LRRTM1: variants seen among roughly 807,000 people sequenced by gnomAD.
The protein encoded by LRRTM1 is leucine rich repeat transmembrane neuronal 1, also known as leucine-rich repeat transmembrane neuronal protein 1.
Under a neutral mutation model 37.3 loss-of-function variants are expected in LRRTM1, and 8 were observed. That is an observed-to-expected ratio of 0.21 (90% CI 0.13 to 0.39). The LOEUF (loss-of-function observed/expected upper bound fraction) is 0.39, where lower values mean the gene tolerates loss of function less well. LRRTM1 is among the 10% of genes least tolerant of loss of function. LRRTM1 has a pLI of 1.00. For synonymous variants in LRRTM1, 326 were observed against 316.8 expected, an observed-to-expected ratio of 1.03 and a Z score of -0.31; for missense variants, 557 against 691.0, an observed-to-expected ratio of 0.81 and a Z score of 2.17.
chr2:80,299,145 G>C (rs1049280598), downstream of LRRTM1: 2 of 152,092 alleles, frequency 1.3e-5, no homozygotes, highest in African/African-American at 4.8e-5. Context: ...TTTTCAGATA[G>C]CACAGCATAA....
chr2:80,302,891 G>T lies in LRRTM1; in HGVS notation c.929C>A (p.Thr310Asn), dbSNP rs141798518. The change falls in exon 2 of 2, where the codon ACC (threonine) becomes AAC (asparagine). Residue 310 changes from threonine (T) to asparagine (N), a missense_variant. By Grantham distance (65) the Thr-to-Asn change is moderately conservative. This residue lies in a region of LRRTM1 where 200 missense variants were observed against 249.9 expected (regional missense o/e 0.80). Coordinates refer to ENST00000295057, the MANE Select transcript of LRRTM1 (RefSeq NM_178839.5). This position sits in a 1 kb window ranked among gnomAD's most constrained non-coding sequence, Gnocchi z 6.4. ...LNSWKSLTSI[T>N]LAGNLWDCGR... The stretch of plus-strand genomic sequence containing the variant: ...GCAATCCCACAGGTTCCCGGCCAGG[G>T]TGATGCTTGTCAGGGACTTCCAAGA... 6.9e-5 allele frequency: 112 copies of T among 1,614,060 alleles called. 1 individual carries two copies. In the Middle Eastern group the frequency reaches 8.2e-4, roughly 12 times the overall value.
chr2:80,302,273 G>C lies in LRRTM1; in HGVS notation c.1547C>G (p.Pro516Arg). The C allele has an allele frequency of 6.2e-7, 1 of 1,613,820 alleles. No individual in the cohort carries two copies. Among genetic ancestry groups the C allele is most frequent in the Non-Finnish European group, 8.5e-7 (1 of 1,179,848 alleles). Reference sequence around the variant, plus strand: ...CAATCACACCTCGCATTCCCTCGCGGGCTGCTGGTGGCAGGTACACGAGCC... The same window carrying C: ...CAATCACACCTCGCATTCCCTCGCGCGCTGCTGGTGGCAGGTACACGAGCC... ...EYGSCTCHQQ[P>R]ARECEV Residue 516 changes from proline (P) to arginine (R), a missense_variant, in exon 2 of 2, where the codon CCC (proline) becomes CGC (arginine). Pro to Arg is a moderately radical substitution (Grantham distance 103, BLOSUM62 -2). This residue lies in a region of LRRTM1 where 90 missense variants were observed against 149.4 expected (regional missense o/e 0.60). Transcript: ENST00000295057. This position sits in a 1 kb window ranked among gnomAD's most constrained non-coding sequence, Gnocchi z 6.4.
At position 80,303,154 on chromosome 2, in the gene LRRTM1, G is replaced by C. The variant is rs140201940; in HGVS notation, c.666C>G (p.Val222=). 1.8e-5 allele frequency: 29 copies of C among 1,614,012 alleles called. No individual in the cohort carries two copies. In the African/African-American group the frequency reaches 2.8e-4, roughly 16 times the overall value. Reference sequence around the variant, plus strand: ...GCGGGAAGTGGGCGAAGTTCACCTTGACCAAGTCGTTGTGCTCGAGGTGCA... The same window carrying C: ...GCGGGAAGTGGGCGAAGTTCACCTTCACCAAGTCGTTGTGCTCGAGGTGCA... ...TELHLEHNDL[V]KVNFAHFPRL... The change falls in exon 2 of 2, where the codon GTC becomes GTG. Residue 222 remains valine, a synonymous_variant. Coordinates refer to ENST00000295057, the MANE Select transcript of LRRTM1 (RefSeq NM_178839.5). This position sits in a 1 kb window ranked among gnomAD's most constrained non-coding sequence, Gnocchi z 7.7.
At chr2:80,298,375 T>A (rs1314067489), downstream of LRRTM1, 1 of 152,236 alleles carries the variant, frequency 6.6e-6, no homozygotes, top group Non-Finnish European at 1.5e-5. Flanking sequence ...AAAACAGATA[T>A]AATTTCTGGT....
exon 3 of LRRTM1, chr2:80,288,715 C>T (rs1674982232): frequency 6.6e-6 from 1 of 152,286 alleles, no homozygotes; most frequent in South Asian, 2.1e-4. Flanking sequence ...GGCAGGGCAC[C>T]AGCTTGGAGC....
chr2:80,298,627 A>G (rs1675970644), downstream of LRRTM1: 1 of 152,250 alleles, frequency 6.6e-6, no homozygotes. Context: ...GATTACTTAC[A>G]TATACTCATA....
Position 80,303,131 on chromosome 2 carries a change from G to T in LRRTM1, c.689C>A (p.Pro230Gln). The change falls in exon 2 of 2, where the codon CCG (proline) becomes CAG (glutamine). Residue 230 changes from proline (P) to glutamine (Q), a missense_variant. Pro to Gln is a moderately conservative substitution (Grantham distance 76). Coordinates refer to ENST00000295057, the MANE Select transcript of LRRTM1 (RefSeq NM_178839.5). The surrounding 1 kb of genome is among the most constrained non-coding windows in gnomAD (Gnocchi z 7.7). ...GAGCGAGTGCAGGGAGATGAGGCGC[G>T]GGAAGTGGGCGAAGTTCACCTTGAC... ...DLVKVNFAHFPRLISLHSLCL... is the reference protein window; with the variant it reads ...DLVKVNFAHFQRLISLHSLCL... The T allele has an allele frequency of 6.2e-7, 1 of 1,614,098 alleles. No individual in the cohort carries two copies. Among genetic ancestry groups the T allele is most frequent in the Non-Finnish European group, 8.5e-7 (1 of 1,180,044 alleles).
Position 80,303,959 on chromosome 2 carries a change from AAAG to A in LRRTM1, c.-59-84_-59-82del. ...AAAAATCAAATAAATACATAGAAATAAAGAAGGACCCCCCTCCCCAAAAACCAC... is the reference window on the plus strand; with the variant it reads ...AAAAATCAAATAAATACATAGAAATAAAGGACCCCCCTCCCCAAAAACCAC... On this transcript the variant is annotated intron_variant, in intron 1 of 1. Coordinates refer to ENST00000295057, the MANE Select transcript of LRRTM1 (RefSeq NM_178839.5). The surrounding 1 kb of genome is among the most constrained non-coding windows in gnomAD (Gnocchi z 7.7). The A allele has an allele frequency of 2.0e-6, 2 of 1,020,386 alleles. No homozygotes were observed. Among genetic ancestry groups the A allele is most frequent in the Non-Finnish European group, 2.7e-6 (2 of 740,876 alleles). The allele number at this position is 1,020,386 out of a possible 1,614,324, so 63.2% of individuals were successfully genotyped here. A position where few individuals can be genotyped will look rare whatever the true frequency, so the allele number is the denominator to read the frequency against.
In LRRTM1 at chr2:80,303,224, C is replaced by G. The variant is rs1370263901; in HGVS notation, c.596G>C (p.Ser199Thr). Residue 199 changes from serine (S) to threonine (T), a missense_variant, in exon 2 of 2, where the codon AGT becomes ACT. Ser to Thr is a moderately conservative substitution (Grantham distance 58). This residue lies in a region of LRRTM1 where 200 missense variants were observed against 249.9 expected (regional missense o/e 0.80). Transcript: ENST00000295057. This position sits in a 1 kb window ranked among gnomAD's most constrained non-coding sequence, Gnocchi z 7.7. ...FLDIGYNQLK[S>T]LARNSFAGLF... Reference sequence around the variant, plus strand: ...GCCGGCGAAAGAGTTGCGCGCCAGACTCTTGAGCTGATTGTATCCGATGTC... The same window carrying G: ...GCCGGCGAAAGAGTTGCGCGCCAGAGTCTTGAGCTGATTGTATCCGATGTC... The G allele has an allele frequency of 2.5e-6, 4 of 1,613,760 alleles. No individual in the cohort carries two copies. Among genetic ancestry groups the G allele is most frequent in the Non-Finnish European group, 3.4e-6 (4 of 1,179,970 alleles).
chr2:80,299,431 C>T (rs1238340418), downstream of LRRTM1: 1 of 152,092 alleles, frequency 6.6e-6, no homozygotes, highest in African/African-American at 2.4e-5. Context: ...GCTAAATTCC[C>T]GTTTGTGTAG....
At chr2:80,290,487 C>A (rs191287046) in intron 2 of LRRTM1, among the ~76,000 whole-genome samples, 1 of 151,960 alleles carries the variant, frequency 6.6e-6, no homozygotes, top group Non-Finnish European at 1.5e-5. Flanking sequence ...TCCCGTGATG[C>A]TTTTACTTTT....
intron 2 of LRRTM1, among the ~76,000 whole-genome samples, chr2:80,291,954 T>C (rs1374752114): frequency 6.6e-6 from 1 of 152,192 alleles, no homozygotes; most frequent in African/African-American, 2.4e-5. Flanking sequence ...GTTAGAAAGC[T>C]GGGAAGGAAG....
rs1380140131 is a variant in LRRTM1, at chr2:80,302,935, G to T, written c.885C>A (p.Ile295=). The T allele has an allele frequency of 4.3e-6, 7 of 1,613,896 alleles. No homozygotes were observed. Among genetic ancestry groups the T allele is most frequent in the Non-Finnish European group, 5.9e-6 (7 of 1,180,026 alleles). The change falls in exon 2 of 2, where the codon ATC becomes ATA. Residue 295 remains isoleucine (I), a synonymous_variant. Transcript: ENST00000295057. The surrounding 1 kb of genome is among the most constrained non-coding windows in gnomAD (Gnocchi z 6.4). ...TCCAAGAGTTGAGGATCCGGGGCTC[G>T]ATGTAGGTGAGGCGGTTGGAGTCCA... The part of the protein sequence containing the change: ...LQLDSNRLTY[I]EPRILNSWKS...
intron 2 of LRRTM1, among the ~76,000 whole-genome samples, chr2:80,295,004 C>T (rs1301952647): frequency 6.6e-6 from 1 of 151,972 alleles, no homozygotes; most frequent in Non-Finnish European, 1.5e-5. Context: ...GATCTTGAAA[C>T]TCTCTCCTCT....
chr2:80,294,688 C>G (rs951160175), intron 2 of LRRTM1, among the ~76,000 whole-genome samples: 2 of 152,044 alleles, frequency 1.3e-5, no homozygotes, highest in Non-Finnish European at 2.9e-5. Context: ...GGCCACACCC[C>G]AGACCAGTTA....
intron 2 of LRRTM1, among the ~76,000 whole-genome samples, chr2:80,291,575 G>C (rs543509432): frequency 3.3e-5 from 5 of 152,322 alleles, no homozygotes; most frequent in Non-Finnish European, 7.3e-5. Context: ...ATAAACACCA[G>C]CAAATCTGCT....
intron 2 of LRRTM1, among the ~76,000 whole-genome samples, chr2:80,290,112 G>C (rs567600209): frequency 6.6e-6 from 1 of 152,128 alleles, no homozygotes. Flanking sequence ...TGTGAAGCAG[G>C]CTGAGCAAGG....
intron 2 of LRRTM1, among the ~76,000 whole-genome samples, chr2:80,289,732 ACT>A (rs2149175995): frequency 6.6e-6 from 1 of 152,286 alleles, no homozygotes. Context: ...ACAGAGTCAC[ACT>A]AGTGACTGTC....
chr2:80,302,641 CG>C lies in LRRTM1; in HGVS notation c.1178del (p.Thr393SerfsTer110). On this transcript the variant is annotated frameshift_variant, in exon 2 of 2. Transcript: ENST00000295057. LOFTEE classifies it high-confidence loss of function. The surrounding 1 kb of genome is among the most constrained non-coding windows in gnomAD (Gnocchi z 6.4). ...GCTGCCCCTCCCCGCCGTCCGCGAG[CG>C]TGGTGGCCGAGCTGGCAGGGGGCCC... is the stretch of plus-strand genomic sequence containing the variant. Reference protein sequence around the residue: ...DLGPPASSATTLADGGEGQHD... With the variant: ...DLGPPASSATXLADGGEGQHD... 6.2e-7 allele frequency: 1 copy of C among 1,607,740 alleles called. No individual in the cohort carries two copies. Among genetic ancestry groups the C allele is most frequent in the African/African-American group, 1.3e-5 (1 of 74,996 alleles).
Sources: gnomAD v4.1 joint callset for allele counts (sites outside exome capture counted in the v4.1 genomes callset) on GRCh38, gnomAD v4.1.1 for gene constraint, gnomAD v4.1.1 regional missense constraint, Gnocchi (gnomAD v3.1) non-coding constraint, MANE v1.5 for transcripts, NCBI Gene and HGNC (gene_info 2026-07-23, HGNC 2026-07-21) for gene names.